PRKCH: variants seen among roughly 807,000 people sequenced by gnomAD.
The protein encoded by PRKCH is protein kinase C eta, also known as protein kinase C eta type.
A neutral mutation model predicts 82.5 loss-of-function variants in PRKCH; 28 were observed. The ratio of observed to expected loss-of-function variants is 0.34; its 90% CI spans 0.25 to 0.47. The LOEUF (loss-of-function observed/expected upper bound fraction) is 0.47, where lower values mean the gene tolerates loss of function less well. Ranked by LOEUF, PRKCH falls within the 20% of genes least tolerant of loss-of-function variation. The pLI is 1.00. For synonymous variants in PRKCH, 322 were observed against 327.4 expected, an observed-to-expected ratio of 0.98 and a Z score of 0.18; for missense variants, 705 against 881.8, an observed-to-expected ratio of 0.80 and a Z score of 2.54.
At position 61,210,142 on chromosome 14, in the gene PRKCH, AT is replaced by A. The variant is rs2044559659; in HGVS notation, c.-19+22475del. Reference sequence around the variant, plus strand: ...TATATATATATATATATATATATATATATATATATATATATATATAAATTAG... The same window carrying A: ...TATATATATATATATATATATATATAATATATATATATATATATAAATTAG... On this transcript the variant is annotated intron_variant, in intron 1 of 3. Coordinates refer to the PRKCH transcript ENST00000555185. 2.2e-3 allele frequency among the ~76,000 whole-genome samples: 105 copies of A among 48,662 alleles called. 2 individuals are homozygous for A. The highest frequency in any genetic ancestry group is 4.9e-3 in the African/African-American group (62 of 12,678). 31.9% of individuals were successfully genotyped at this position (48,662 alleles called of 152,430 possible). A position where few individuals can be genotyped will look rare whatever the true frequency, so the allele number is the denominator to read the frequency against.
At chr14:61,535,401 G>T (rs1350772259) in intron 12 of PRKCH, among the ~76,000 whole-genome samples, 1 of 152,214 alleles carries the variant, frequency 6.6e-6, no homozygotes, top group Non-Finnish European at 1.5e-5. Flanking sequence ...TTAACAGGCA[G>T]ATCTAACATG....
chr14:61,480,483 A>G (rs1248413265), intron 9 of PRKCH, among the ~76,000 whole-genome samples: 3 of 152,210 alleles, frequency 2.0e-5, no homozygotes, highest in African/African-American at 4.8e-5. Flanking sequence ...TTTGCTTTGT[A>G]AAGGGCATTC....
chr14:61,455,783 A>T (rs1566892575), intron 7 of PRKCH, among the ~76,000 whole-genome samples: 1 of 152,192 alleles, frequency 6.6e-6, no homozygotes, highest in Non-Finnish European at 1.5e-5. Flanking sequence ...GTCTAGTGGT[A>T]GCTTATCTTA....
intron 10 of PRKCH, among the ~76,000 whole-genome samples, chr14:61,514,174 A>G (rs1053599059): frequency 2.6e-5 from 4 of 152,004 alleles, no homozygotes; most frequent in African/African-American, 9.7e-5. Flanking sequence ...CTGCTGCCCA[A>G]CCTGGCTGAC....
At chr14:61,256,271 G>A (rs768998690) in intron 1 of PRKCH, among the ~76,000 whole-genome samples, 2 of 152,134 alleles carry the variant, frequency 1.3e-5, no homozygotes, top group African/African-American at 2.4e-5. Context: ...ACAAAAAGGT[G>A]GTCTATTTTT....
intron 1 of PRKCH, among the ~76,000 whole-genome samples, chr14:61,251,989 G>A (rs548378977): frequency 1.3e-5 from 2 of 151,930 alleles, no homozygotes; most frequent in African/African-American, 2.4e-5. Flanking sequence ...ACAGGTGCAC[G>A]CCACCACGCC....
At position 61,280,805 on chromosome 14, in the gene PRKCH, T is replaced by A; in HGVS notation, c.-19+93137T>A. 6.4e-7 allele frequency: 1 copy of A among 1,561,622 alleles called. No homozygotes were observed. Among genetic ancestry groups the A allele is most frequent in the Non-Finnish European group, 8.6e-7 (1 of 1,162,842 alleles). ...CGCCGGTTGTTCTGGTAGAAGTTGG[T>A]CAGCTCGTAGTAGAGGTACACTGGG... is the stretch of plus-strand genomic sequence containing the variant. On this transcript the variant is annotated intron_variant, in intron 1 of 3. Transcript: ENST00000555185. This position sits in a 1 kb window ranked among gnomAD's most constrained non-coding sequence, Gnocchi z 5.0.
At chr14:61,258,653 A>G (rs1476709260) in intron 1 of PRKCH, among the ~76,000 whole-genome samples, 4 of 152,192 alleles carry the variant, frequency 2.6e-5, no homozygotes, top group South Asian at 4.1e-4. Flanking sequence ...TTATACTTCA[A>G]TCCTCCAATT....
At chr14:61,539,329 C>T (rs2043152095) in intron 12 of PRKCH, among the ~76,000 whole-genome samples, 1 of 152,166 alleles carries the variant, frequency 6.6e-6, no homozygotes, top group Non-Finnish European at 1.5e-5. Flanking sequence ...GGATTCCAGT[C>T]ACAGACAGCA....
intron 1 of PRKCH, chr14:61,278,218 G>A (rs2045221922): frequency 6.6e-6 from 1 of 152,144 alleles, no homozygotes; most frequent in Non-Finnish European, 1.5e-5. Context: ...CTAGTGAGCT[G>A]CTCAAACATT....
chr14:61,266,127 T>C (rs925650664), intron 1 of PRKCH, among the ~76,000 whole-genome samples: 4 of 151,802 alleles, frequency 2.6e-5, no homozygotes, highest in East Asian at 1.9e-4. Context: ...AGAAAAATCA[T>C]AGGTCCTTGG....
chr14:61,189,610 C>T (rs2044394591), intron 1 of PRKCH, among the ~76,000 whole-genome samples: 1 of 151,902 alleles, frequency 6.6e-6, no homozygotes, highest in South Asian at 2.1e-4. Flanking sequence ...CCTTCCCTTC[C>T]CTTCCTTTCT....
chr14:61,479,211 G>C (rs1443644452), intron 9 of PRKCH, among the ~76,000 whole-genome samples: 1 of 152,012 alleles, frequency 6.6e-6, no homozygotes, highest in Non-Finnish European at 1.5e-5. Flanking sequence ...CTTATACCCA[G>C]GCATTTCCCA....
intron 12 of PRKCH, among the ~76,000 whole-genome samples, chr14:61,546,515 C>G (rs2043260121): frequency 6.6e-6 from 1 of 152,222 alleles, no homozygotes; most frequent in African/African-American, 2.4e-5. Context: ...CAGCCTCCTT[C>G]TTCAACATTA....
intron 12 of PRKCH, among the ~76,000 whole-genome samples, chr14:61,540,351 CTG>C (rs1291818001): frequency 6.6e-6 from 1 of 152,198 alleles, no homozygotes; most frequent in East Asian, 1.9e-4. Flanking sequence ...GTAAAGTAAA[CTG>C]TGTAATGATT....
In PRKCH at chr14:61,368,655, C is replaced by T. The variant is rs527968560; in HGVS notation, c.364-22570C>T. ...TGATCACCTCCTCTCTTACAGACTG[C>T]GGAGCTAAAGTGGGCTGCTGGTTGG... On this transcript the variant is annotated intron_variant, in intron 1 of 13. Coordinates refer to ENST00000332981, the MANE Select transcript of PRKCH (RefSeq NM_006255.5). Among the ~76,000 whole-genome samples, 41 of 152,080 alleles carry T rather than the reference C, an allele frequency of 2.7e-4. 1 individual carries two copies. The highest frequency in any genetic ancestry group is 9.9e-4 in the African/African-American group (41 of 41,346).
At chr14:61,419,268 G>A (rs1882712729) in intron 2 of PRKCH, among the ~76,000 whole-genome samples, 1 of 152,196 alleles carries the variant, frequency 6.6e-6, no homozygotes, top group African/African-American at 2.4e-5. Context: ...CCAGGCAGGT[G>A]TCCTAGAGCA....
At chr14:61,412,181 G>T (rs1440810920) in intron 2 of PRKCH, among the ~76,000 whole-genome samples, 1 of 152,154 alleles carries the variant, frequency 6.6e-6, no homozygotes, top group African/African-American at 2.4e-5. Context: ...AAGCAAGAAA[G>T]TACAACCCAT....
At chr14:61,534,898 A>G (rs112957594) in intron 12 of PRKCH, among the ~76,000 whole-genome samples, 6 of 152,210 alleles carry the variant, frequency 3.9e-5, no homozygotes, top group Non-Finnish European at 8.8e-5. Flanking sequence ...ATACAAGAGT[A>G]AGTGATTAGT....
Sources: allele counts gnomAD v4.1 joint callset (sites outside exome capture counted in the v4.1 genomes callset), GRCh38; gene constraint gnomAD v4.1.1; non-coding constraint Gnocchi (gnomAD v3.1); transcripts MANE v1.5; gene names NCBI Gene and HGNC (gene_info 2026-07-23, HGNC 2026-07-21).